Variants in CCSER2 observed in about 807,000 individuals in gnomAD.
The protein encoded by CCSER2 is coiled-coil serine rich protein 2, also known as serine-rich coiled-coil domain-containing protein 2.
Under a neutral mutation model 92.3 loss-of-function variants are expected in CCSER2, and 46 were observed. The ratio of observed to expected loss-of-function variants is 0.50; its 90% CI spans 0.39 to 0.64. The LOEUF (loss-of-function observed/expected upper bound fraction) is 0.64. CCSER2 is among the 30% of genes least tolerant of loss of function. The pLI is 0.00. For synonymous variants in CCSER2, 433 were observed against 431.4 expected (o/e 1.00, Z -0.04); for missense variants, 1,244 against 1,238.9 (o/e 1.00, Z -0.06).
intron 1 of CCSER2, among the ~76,000 whole-genome samples, chr10:84,353,904 CAAAA>C (rs1305786034): frequency 9.6e-6 from 1 of 103,966 alleles, no homozygotes; most frequent in East Asian, 4.2e-4. Flanking sequence ...AACAAAAAAA[CAAAA>C]AAACCCAGGC....
chr10:84,505,502 A>G lies in CCSER2; in HGVS notation c.2326-7947A>G, dbSNP rs143211099. Reference sequence around the variant, plus strand: ...GTGACTATAATCAATTTTATACATAAGAATAGCTTCAGCTTCCTTAGAAAT... The same window carrying G: ...GTGACTATAATCAATTTTATACATAGGAATAGCTTCAGCTTCCTTAGAAAT... On this transcript the variant is annotated intron_variant, in intron 9 of 9. Transcript: ENST00000372088. Among the ~76,000 whole-genome samples, 421 of 152,346 alleles carry G rather than the reference A, an allele frequency of 2.8e-3. 3 individuals carry two copies. The highest frequency in any genetic ancestry group is 9.7e-3 in the African/African-American group (403 of 41,578).
intron 3 of CCSER2, among the ~76,000 whole-genome samples, chr10:84,384,260 T>G: frequency 6.6e-6 from 1 of 152,192 alleles, no homozygotes; most frequent in Admixed American, 6.5e-5. Context: ...GAGGAATTCC[T>G]TCTTAACTCA....
intron 1 of CCSER2, among the ~76,000 whole-genome samples, chr10:84,355,352 T>C (rs1845106470): frequency 6.6e-6 from 1 of 152,228 alleles, no homozygotes; most frequent in Non-Finnish European, 1.5e-5. Flanking sequence ...TGTGTCATGC[T>C]GATTCTATGT....
At chr10:84,467,919 T>G (rs901139276) in intron 7 of CCSER2, among the ~76,000 whole-genome samples, 1 of 152,162 alleles carries the variant, frequency 6.6e-6, no homozygotes, top group African/African-American at 2.4e-5. Flanking sequence ...TTATCTAGAT[T>G]ATTATAATAT....
At chr10:84,465,290 T>TGTGTGA (rs1163509232) in intron 7 of CCSER2, among the ~76,000 whole-genome samples, 11 of 100,708 alleles carry the variant, frequency 1.1e-4, no homozygotes, top group South Asian at 3.3e-4. Flanking sequence ...TGTGTGTGTG[T>TGTGTGA]GAAAAAGTTT....
At chr10:84,425,659 TATC>T in intron 4 of CCSER2, 69 bp from the exon 5 acceptor site, 1 of 995,564 alleles carries the variant, frequency 1.0e-6, no homozygotes, top group Non-Finnish European at 1.4e-6. Flanking sequence ...AGCATTTAAT[TATC>T]AAGCTATAAG....
intron 8 of CCSER2, among the ~76,000 whole-genome samples, chr10:84,471,700 C>T (rs1846810547): frequency 6.6e-6 from 1 of 152,092 alleles, no homozygotes; most frequent in Non-Finnish European, 1.5e-5. Flanking sequence ...GTGTAAACTT[C>T]TGAGCCACTA....
Position 84,480,547 on chromosome 10 carries a change from A to T in CCSER2, c.2325+2883A>T, listed in dbSNP as rs183895581. ...AGCATGAAAAAATAGAATACTAAGA[A>T]TACTTTATGAGTAACCTGAGGCCAA... is the stretch of plus-strand genomic sequence containing the variant. On this transcript the variant is annotated intron_variant, in intron 9 of 9. Coordinates refer to ENST00000372088, the MANE Select transcript of CCSER2 (RefSeq NM_001284240.2). Among the ~76,000 whole-genome samples, 20 of 152,314 alleles carry T rather than the reference A, an allele frequency of 1.3e-4. No individual in the cohort carries two copies. In the South Asian group the frequency reaches 4.2e-3, roughly 32 times the overall value.
Position 84,458,223 on chromosome 10 carries a change from G to T in CCSER2, c.2065-5710G>T, listed in dbSNP as rs571174323. On this transcript the variant is annotated intron_variant, in intron 6 of 9. Transcript: ENST00000372088. ...TCTGTTTGAAGAGTTTTTGTATGTG[G>T]TATGAGTTATGGGCCAAGATTATTT... Among the ~76,000 whole-genome samples, 3 of 152,232 alleles carry T rather than the reference G, an allele frequency of 2.0e-5. No homozygotes were observed. In the South Asian group the frequency reaches 6.2e-4, roughly 32 times the overall value.
intron 1 of CCSER2, among the ~76,000 whole-genome samples, chr10:84,350,349 A>G (rs1399902576): frequency 2.0e-5 from 3 of 151,858 alleles, no homozygotes; most frequent in Non-Finnish European, 2.9e-5. Flanking sequence ...GTTTTCCTTT[A>G]TAGCACTTAT....
chr10:84,490,507 T>A (rs1210101904), intron 9 of CCSER2, among the ~76,000 whole-genome samples: 1 of 152,238 alleles, frequency 6.6e-6, no homozygotes, highest in African/African-American at 2.4e-5. Context: ...CAATCACTGA[T>A]ACCCTTTCTT....
Position 84,417,880 on chromosome 10 carries a change from G to A in CCSER2, c.1705+19G>A, listed in dbSNP as rs2133391100. 7.9e-7 allele frequency: 1 copy of A among 1,271,968 alleles called. No individual in the cohort carries two copies. The highest frequency in any genetic ancestry group is 1.2e-6 in the Non-Finnish European group (1 of 867,902). 78.8% of individuals were successfully genotyped at this position (1,271,968 alleles called of 1,614,324 possible). On this transcript the variant is annotated intron_variant, in intron 4 of 9. Transcript: ENST00000372088. ...GAAAATGGTAAGTTGAGACAATATT[G>A]AACCTTCAGAGGTATATACTTGAGC...
Position 84,462,223 on chromosome 10 carries a change from C to T in CCSER2, c.2065-1710C>T, listed in dbSNP as rs555453485. 3.4e-4 allele frequency among the ~76,000 whole-genome samples: 51 copies of T among 152,236 alleles called. No homozygotes were observed. The South Asian group carries it at 9.7e-3, about 29-fold the overall frequency. ...TTACTCAGTTCCTGGTATTTTGTGACCTCTGGTATTTTCTGTTTTGCTGGA... is the reference window on the plus strand; with the variant it reads ...TTACTCAGTTCCTGGTATTTTGTGATCTCTGGTATTTTCTGTTTTGCTGGA... On this transcript the variant is annotated intron_variant, in intron 6 of 9. Coordinates refer to ENST00000372088, the MANE Select transcript of CCSER2 (RefSeq NM_001284240.2).
At chr10:84,456,337 A>G (rs1845618587) in intron 6 of CCSER2, among the ~76,000 whole-genome samples, 1 of 152,200 alleles carries the variant, frequency 6.6e-6, no homozygotes, top group Non-Finnish European at 1.5e-5. Context: ...AGTATAATAT[A>G]TAGCCTTTGA....
intron 3 of CCSER2, among the ~76,000 whole-genome samples, chr10:84,390,553 T>C (rs1390220877): frequency 6.6e-6 from 1 of 152,236 alleles, no homozygotes; most frequent in Non-Finnish European, 1.5e-5. Flanking sequence ...CACTATGATG[T>C]TATGATAGTT....
At chr10:84,418,321 A>G (rs1250600124) in intron 4 of CCSER2, among the ~76,000 whole-genome samples, 2 of 152,184 alleles carry the variant, frequency 1.3e-5, no homozygotes, top group African/African-American at 2.4e-5. Flanking sequence ...ATTCTAGTCT[A>G]TCTTTCTCTC....
chr10:84,394,677 T>C (rs1841729653), intron 3 of CCSER2, among the ~76,000 whole-genome samples: 1 of 151,804 alleles, frequency 6.6e-6, no homozygotes, highest in East Asian at 1.9e-4. Context: ...GGAAGAAAAA[T>C]TCAGTATCTC....
At chr10:84,460,087 A>AT (rs34335757) in intron 6 of CCSER2, among the ~76,000 whole-genome samples, 36,692 of 102,498 alleles carry the variant, frequency 0.36, 9,337 homozygotes, top group East Asian at 0.49. Flanking sequence ...TGATTCTTCG[A>AT]TTTTTTTTTT....
At chr10:84,366,791 T>C (rs1845798251) in intron 1 of CCSER2, among the ~76,000 whole-genome samples, 1 of 152,202 alleles carries the variant, frequency 6.6e-6, no homozygotes, top group Non-Finnish European at 1.5e-5. Flanking sequence ...ACAGATGGTT[T>C]TTAATCAGTA....
Sources: allele counts gnomAD v4.1 joint callset (sites outside exome capture counted in the v4.1 genomes callset), GRCh38; gene constraint gnomAD v4.1.1; transcripts MANE v1.5; gene names NCBI Gene and HGNC (gene_info 2026-07-23, HGNC 2026-07-21).